Variants in PTPRM observed in about 807,000 individuals in gnomAD.
PTPRM encodes the protein receptor-type tyrosine-protein phosphatase mu.
PTPRM carries 47 observed loss-of-function variants against 186.7 expected under a neutral mutation model. That is an observed-to-expected ratio of 0.25 (90% CI 0.20 to 0.32). The LOEUF is 0.32. PTPRM is among the 10% of genes least tolerant of loss of function. The pLI, the probability that PTPRM is intolerant of heterozygous loss-of-function variation, is 1.00. For missense variants in PTPRM, 1,494 were observed against 1,865.0 expected, an observed-to-expected ratio of 0.80 and a Z score of 3.66; for synonymous variants, 668 against 674.9, an observed-to-expected ratio of 0.99 and a Z score of 0.16.
intron 14 of PTPRM, among the ~76,000 whole-genome samples, chr18:8,210,496 G>A (rs1223553030): frequency 2.0e-5 from 3 of 152,146 alleles, no homozygotes; most frequent in African/African-American, 4.8e-5. Context: ...TTTCAGAGAG[G>A]GCATGGCTCT....
At chr18:8,212,806 T>C (rs1447782352) in intron 14 of PTPRM, among the ~76,000 whole-genome samples, 1 of 152,206 alleles carries the variant, frequency 6.6e-6, no homozygotes. Context: ...ACCTGGTTTC[T>C]AAAAATTTAA....
intron 1 of PTPRM, among the ~76,000 whole-genome samples, chr18:7,761,763 C>T (rs1418879051): frequency 6.6e-6 from 1 of 152,056 alleles, no homozygotes; most frequent in Non-Finnish European, 1.5e-5. Context: ...CCTTTTCCTC[C>T]CTAGTGCCTG....
chr18:7,590,746 A>G (rs1411947581), intron 1 of PTPRM, among the ~76,000 whole-genome samples: 3 of 151,252 alleles, frequency 2.0e-5, no homozygotes, highest in African/African-American at 4.9e-5. Context: ...TTATGCTGGT[A>G]CTACTTAATT....
rs556604171 is a variant in PTPRM, at chr18:7,736,406, G to A, written c.74-37743G>A. Among the ~76,000 whole-genome samples, 21 of 152,138 alleles carry A rather than the reference G, an allele frequency of 1.4e-4. No homozygotes were observed. In the East Asian group the frequency reaches 2.3e-3, roughly 17 times the overall value. On this transcript the variant is annotated intron_variant, in intron 1 of 32. Transcript: ENST00000580170. ...ATGATCTCAGCTCACTGCAACCTCC[G>A]CCTTCTGGGCTCAAGCAATTCTCCT...
chr18:7,669,592 G>A (rs1014574171), intron 1 of PTPRM, among the ~76,000 whole-genome samples: 6 of 152,192 alleles, frequency 3.9e-5, no homozygotes, highest in African/African-American at 1.4e-4. Flanking sequence ...AGAGTTAAAT[G>A]TCAGGGATAA....
intron 2 of PTPRM, among the ~76,000 whole-genome samples, chr18:7,791,014 T>C (rs949685863): frequency 1.3e-5 from 2 of 152,216 alleles, no homozygotes; most frequent in Admixed American, 1.3e-4. Context: ...TTTGTCATGT[T>C]TATTTATTTT....
chr18:7,609,558 A>G (rs770216712), intron 1 of PTPRM, among the ~76,000 whole-genome samples: 7 of 150,554 alleles, frequency 4.6e-5, no homozygotes, highest in Middle Eastern at 3.4e-3. Flanking sequence ...CCCTGTCTTC[A>G]AACAATTTTG....
At chr18:7,858,107 A>G (rs1180514892) in intron 2 of PTPRM, among the ~76,000 whole-genome samples, 1 of 152,178 alleles carries the variant, frequency 6.6e-6, no homozygotes, top group Non-Finnish European at 1.5e-5. Context: ...TTAAGGATTT[A>G]AATCTTTATG....
At chr18:8,384,455 C>G in intron 29 of PTPRM, 106 bp from the exon 30 acceptor site, 1 of 1,303,848 alleles carries the variant, frequency 7.7e-7, no homozygotes, top group South Asian at 1.3e-5. Context: ...AAGACCCTAT[C>G]TCTTAAAAAA....
intron 7 of PTPRM, among the ~76,000 whole-genome samples, chr18:8,069,011 G>A (rs1340772267): frequency 6.6e-6 from 1 of 150,720 alleles, no homozygotes; most frequent in East Asian, 2.0e-4. Context: ...TTGGGAGGCT[G>A]AGGCAGGAGA....
At chr18:7,736,163 A>G (rs2040767232) in intron 1 of PTPRM, among the ~76,000 whole-genome samples, 1 of 152,174 alleles carries the variant, frequency 6.6e-6, no homozygotes, top group African/African-American at 2.4e-5. Flanking sequence ...CAACACTCAC[A>G]TGACTTCAGG....
rs1053219769 is a variant in PTPRM, at chr18:8,387,332, A to G, written c.4208+97A>G. 3 of 1,292,256 alleles carry G rather than the reference A, an allele frequency of 2.3e-6. No homozygotes were observed. The Admixed American group carries it at 6.8e-5, about 29-fold the overall frequency. The allele number at this position is 1,292,256 out of a possible 1,614,324, so 80.0% of individuals were successfully genotyped here. A position where few individuals can be genotyped will look rare whatever the true frequency, so the allele number is the denominator to read the frequency against. On this transcript the variant is annotated intron_variant, in intron 31 of 32. Transcript: ENST00000580170. ...GACTTTTGTTTCACTAGAAATGGAGAAGAAATAAGTAGGTCTAGGTGAAGG... is the reference window on the plus strand; with the variant it reads ...GACTTTTGTTTCACTAGAAATGGAGGAGAAATAAGTAGGTCTAGGTGAAGG...
At chr18:8,072,165 G>T (rs139772889) in intron 8 of PTPRM, among the ~76,000 whole-genome samples, 1 of 152,092 alleles carries the variant, frequency 6.6e-6, no homozygotes. Flanking sequence ...AATACCTTAG[G>T]TCTTTAAATG....
Position 7,686,570 on chromosome 18 carries a change from C to CAAA in PTPRM, c.74-87569_74-87567dup, listed in dbSNP as rs34267435. Among the ~76,000 whole-genome samples, 1,192 of 136,324 alleles carry CAAA rather than the reference C, an allele frequency of 8.7e-3. 16 individuals are homozygous for CAAA. Among genetic ancestry groups the CAAA allele is most frequent in the African/African-American group, 0.03 (1,131 of 37,766 alleles). 89.4% of individuals were successfully genotyped at this position (136,324 alleles called of 152,430 possible). Reference sequence around the variant, plus strand: ...GCATATCATGATGAAAACGGATTGCCAAAAAAAAAAAACTGCAAGCAAATA... The same window carrying CAAA: ...GCATATCATGATGAAAACGGATTGCCAAAAAAAAAAAAAAACTGCAAGCAAATA... On this transcript the variant is annotated intron_variant, in intron 1 of 32. Transcript: ENST00000580170.
intron 22 of PTPRM, among the ~76,000 whole-genome samples, chr18:8,325,326 C>G (rs528544171): frequency 1.3e-5 from 2 of 152,278 alleles, no homozygotes; most frequent in Non-Finnish European, 2.9e-5. Flanking sequence ...ACCCTCTACC[C>G]TCAGGTAGGT....
At chr18:8,401,521 G>A (rs759738225) in intron 32 of PTPRM, among the ~76,000 whole-genome samples, 3 of 152,192 alleles carry the variant, frequency 2.0e-5, no homozygotes, top group Non-Finnish European at 2.9e-5. Flanking sequence ...CAGCCCGAAG[G>A]ATCTGTCCGT....
chr18:8,371,972 A>G (rs1240698489), intron 24 of PTPRM, among the ~76,000 whole-genome samples: 1 of 151,024 alleles, frequency 6.6e-6, no homozygotes, highest in Non-Finnish European at 1.5e-5. Flanking sequence ...TACTCATGTA[A>G]TAGTAGCAGG....
intron 7 of PTPRM, 147 bp downstream of exon 7, chr18:7,955,561 T>G (rs2053253672): frequency 1.1e-6 from 1 of 911,996 alleles, no homozygotes; most frequent in South Asian, 1.9e-5. Context: ...CTGTGAATAG[T>G]CAGCTAACAG....
intron 26 of PTPRM, 34 bp from the exon 27 acceptor site, chr18:8,378,231 T>C (rs567738574): frequency 2.5e-6 from 4 of 1,577,052 alleles, no homozygotes; most frequent in South Asian, 2.2e-5. Flanking sequence ...TCTGGTTCTC[T>C]AAAGTTAGTA....
Sources: allele counts gnomAD v4.1 joint callset (sites outside exome capture counted in the v4.1 genomes callset), GRCh38; gene constraint gnomAD v4.1.1; transcripts MANE v1.5; gene names NCBI Gene and HGNC (gene_info 2026-07-23, HGNC 2026-07-21).